GOT2: variants seen among roughly 807,000 people sequenced by gnomAD.
GOT2 encodes glutamic-oxaloacetic transaminase 2.
A neutral mutation model predicts 50.0 loss-of-function variants in GOT2; 17 were observed. The ratio of observed to expected loss-of-function variants is 0.34; its 90% CI spans 0.23 to 0.51. The LOEUF (loss-of-function observed/expected upper bound fraction) is 0.51. Ranked by LOEUF, GOT2 falls within the 20% of genes least tolerant of loss-of-function variation. The pLI, the probability that GOT2 is intolerant of heterozygous loss-of-function variation, is 0.97. For synonymous variants in GOT2, 172 were observed against 204.9 expected, an observed-to-expected ratio of 0.84 and a Z score of 1.37; for missense variants, 430 against 559.6, an observed-to-expected ratio of 0.77 and a Z score of 2.34.
Position 58,709,572 on chromosome 16 carries a change from A to T in GOT2, c.1020-5T>A. ...ATGACTTTCACTTCTTGCAGCCTGT[A>T]AAGAAACCCTGAGATGCAGCTCATT... On this transcript the variant is annotated splice_region_variant and splice_polypyrimidine_tract_variant and intron_variant, in intron 8 of 9. Coordinates refer to ENST00000245206, the MANE Select transcript of GOT2 (RefSeq NM_002080.4). 1.2e-6 allele frequency: 2 copies of T among 1,606,468 alleles called. No individual in the cohort carries two copies. Among genetic ancestry groups the T allele is most frequent in the Non-Finnish European group, 1.7e-6 (2 of 1,173,498 alleles).
At chr16:58,716,594 A>AC in intron 7 of GOT2, 69 bp downstream of exon 7, 2 of 1,352,892 alleles carry the variant, frequency 1.5e-6, no homozygotes, top group Non-Finnish European at 2.1e-6. Flanking sequence ...ACACACCCAC[A>AC]AGCTCTATGC....
Position 58,723,807 on chromosome 16 carries a change from A to T in GOT2, c.185T>A (p.Leu62Gln). 6.2e-7 allele frequency: 1 copy of T among 1,612,974 alleles called. No homozygotes were observed. Among genetic ancestry groups the T allele is most frequent in the Non-Finnish European group, 8.5e-7 (1 of 1,178,946 alleles). Reference sequence around the variant, plus strand: ...ATCATCCCGGTAGGCACCAACTCCCAGATTCATCTTTTTGCTATTGGTGTC... The same window carrying T: ...ATCATCCCGGTAGGCACCAACTCCCTGATTCATCTTTTTGCTATTGGTGTC... Reference protein sequence around the residue: ...KRDTNSKKMNLGVGAYRDDNG... With the variant: ...KRDTNSKKMNQGVGAYRDDNG... Residue 62 changes from leucine to glutamine, a missense_variant, in exon 2 of 10, where the codon CTG becomes CAG. Physicochemically the swap from Leu to Gln is moderately radical, Grantham distance 113. Transcript: ENST00000245206.
chr16:58,725,298 A>G (rs1225742759), intron 1 of GOT2, among the ~76,000 whole-genome samples: 2 of 151,806 alleles, frequency 1.3e-5, no homozygotes, highest in South Asian at 2.1e-4. Context: ...TGTTTTTAGT[A>G]GAGATGGGGT....
rs3075037 is a variant in GOT2 at position 58,716,559 on chromosome 16, GACACACACACACAC to G, written c.853+90_853+103del. The G allele has an allele frequency of 8.5e-4, 615 of 725,158 alleles. 2 individuals are homozygous for G. In the African/African-American group the frequency reaches 9.3e-3, roughly 11 times the overall value. The allele number at this position is 725,158 out of a possible 1,614,324, so 44.9% of individuals were successfully genotyped here. ...GTAGGGAGGGACATGGACATGGATG[GACACACACACACAC>G]ACACACACACACACACCCACAAGCT... On this transcript the variant is annotated intron_variant, in intron 7 of 9. Transcript: ENST00000245206.
At chr16:58,720,213 A>T (rs2044730497) in intron 3 of GOT2, among the ~76,000 whole-genome samples, 1 of 152,158 alleles carries the variant, frequency 6.6e-6, no homozygotes, top group Non-Finnish European at 1.5e-5. Context: ...TAAATAAATA[A>T]ATAAATAAAG....
At chr16:58,728,798 A>C (rs538852535) in intron 1 of GOT2, among the ~76,000 whole-genome samples, 1 of 152,254 alleles carries the variant, frequency 6.6e-6, no homozygotes, top group South Asian at 2.1e-4. Flanking sequence ...CTCCTGCCTC[A>C]GCCTCCCAAG....
At chr16:58,723,453 C>T (rs370756388) in intron 2 of GOT2, among the ~76,000 whole-genome samples, 3 of 152,142 alleles carry the variant, frequency 2.0e-5, no homozygotes, top group East Asian at 3.9e-4. Flanking sequence ...CTCTTATGCA[C>T]CTTCAGGATT....
chr16:58,722,247 T>C lies in GOT2; in HGVS notation c.278A>G (p.Asp93Gly), dbSNP rs1475622361. The C allele has an allele frequency of 1.1e-5, 17 of 1,613,468 alleles. No homozygotes were observed. In the South Asian group the frequency reaches 1.9e-4, roughly 18 times the overall value. Reference protein sequence around the residue: ...AEAQIAAKNLDKEYLPIGGLA... With the variant: ...AEAQIAAKNLGKEYLPIGGLA... ...TCCCCCAATGGGCAGGTATTCCTTG[T>C]CCAAATTTTTTGCGGCAATCTGGGC... The change falls in exon 3 of 10, where the codon GAC (aspartate) becomes GGC (glycine). Residue 93 changes from aspartate to glycine, a missense_variant. Transcript: ENST00000245206.
In GOT2 at chr16:58,718,262, G is replaced by A. The variant is rs759472746; in HGVS notation, c.636C>T (p.Cys212=). Residue 212 remains cysteine (C), a synonymous_variant, in exon 6 of 10, where the codon TGC becomes TGT. Coordinates refer to ENST00000245206, the MANE Select transcript of GOT2 (RefSeq NM_002080.4). ...GGTCCACTCCCGTGGGATTGTGGGC[G>A]CAGGCATGCAGAAGAAGAACACTCT... ...PEQSVLLLHA[C]AHNPTGVDPR... 8.1e-6 allele frequency: 13 copies of A among 1,613,896 alleles called. No individual in the cohort carries two copies. The African/African-American group carries it at 1.2e-4, about 15-fold the overall frequency.
intron 3 of GOT2, among the ~76,000 whole-genome samples, chr16:58,721,314 A>G (rs2044738172): frequency 6.6e-6 from 1 of 152,222 alleles, no homozygotes; most frequent in Admixed American, 6.5e-5. Flanking sequence ...TTTCAAAAGA[A>G]AGTGAACCAC....
At chr16:58,721,922 A>G in intron 3 of GOT2, 1 of 359,776 alleles carries the variant, frequency 2.8e-6, no homozygotes, top group Non-Finnish European at 5.2e-6. Context: ...CTGGGATTAC[A>G]GGCATGTGTC....
intron 3 of GOT2, among the ~76,000 whole-genome samples, chr16:58,719,493 C>A (rs867731764): frequency 6.6e-6 from 1 of 152,192 alleles, no homozygotes; most frequent in Non-Finnish European, 1.5e-5. Flanking sequence ...TGCGGTGGCT[C>A]ATGCCTGTAA....
chr16:58,712,864 C>T (rs906131089), intron 8 of GOT2, among the ~76,000 whole-genome samples: 5 of 152,184 alleles, frequency 3.3e-5, no homozygotes, highest in African/African-American at 1.2e-4. Flanking sequence ...AATCCCAGTA[C>T]TTTGGGAGGC....
intron 3 of GOT2, 62 bp from the exon 4 acceptor site, chr16:58,719,317 G>C: frequency 8.8e-7 from 1 of 1,138,958 alleles, no homozygotes; most frequent in Non-Finnish European, 1.3e-6. Flanking sequence ...CCAGACCCAG[G>C]GCCACTGCTT....
rs142879141 is a variant in GOT2 at position 58,715,459 on chromosome 16, C to G, written c.1019+555G>C. Among the ~76,000 whole-genome samples the G allele has an allele frequency of 3.4e-3, 513 of 152,194 alleles. 5 individuals carry two copies. Among genetic ancestry groups the G allele is most frequent in the African/African-American group, 0.012 (496 of 41,536 alleles). On this transcript the variant is annotated intron_variant, in intron 8 of 9. Transcript: ENST00000245206. ...GCTGAGGCTGGAGGACTGCTTGAGG[C>G]CAGGAGTACAAAGTTACAGTGAGTT...
At chr16:58,720,423 A>G (rs986595032) in intron 3 of GOT2, among the ~76,000 whole-genome samples, 3 of 152,160 alleles carry the variant, frequency 2.0e-5, no homozygotes, top group Non-Finnish European at 4.4e-5. Context: ...TACAAAGCAC[A>G]AATGTATTTT....
chr16:58,709,536 T>C lies in GOT2; in HGVS notation c.1051A>G (p.Ile351Val), dbSNP rs2044629757. Residue 351 changes from isoleucine to valine, a missense_variant, in exon 9 of 10, where the codon ATC (isoleucine) becomes GTC (valine). Transcript: ENST00000245206. The stretch of plus-strand genomic sequence containing the variant: ...ACCAGTTGAGTCCGCATGCCAATGA[T>C]GCGGTCAGCCATGACTTTCACTTCT... ...LQEVKVMADRIIGMRTQLVSN... is the reference protein window; with the variant it reads ...LQEVKVMADRVIGMRTQLVSN... 1 of 1,613,034 alleles carries C rather than the reference T, an allele frequency of 6.2e-7. No homozygotes were observed. The highest frequency in any genetic ancestry group is 8.5e-7 in the Non-Finnish European group (1 of 1,179,100).
chr16:58,719,069 A>C, intron 4 of GOT2, 127 bp downstream of exon 4: 2 of 736,108 alleles, frequency 2.7e-6, no homozygotes, highest in Non-Finnish European at 4.9e-6. Flanking sequence ...TTTCATGAGA[A>C]TAGGACATCT....
intron 1 of GOT2, among the ~76,000 whole-genome samples, chr16:58,727,283 T>A (rs1338966858): frequency 6.6e-6 from 1 of 152,178 alleles, no homozygotes; most frequent in African/African-American, 2.4e-5. Flanking sequence ...CGCACACAAG[T>A]TAACATTTTA....
Sources: allele counts gnomAD v4.1 joint callset (sites outside exome capture counted in the v4.1 genomes callset), GRCh38; gene constraint gnomAD v4.1.1; transcripts MANE v1.5; gene names NCBI Gene and HGNC (gene_info 2026-07-23, HGNC 2026-07-21).